Variants in PRAMEF25 observed in about 807,000 individuals in gnomAD.
PRAMEF25 encodes putative PRAME family member 25.
At chr1:13,071,069 T>G (rs1473313470) in intron 1 of PRAMEF25, 162 bp downstream of exon 1, 2 of 140,038 alleles carry the variant, frequency 1.4e-5, no homozygotes, top group East Asian at 4.3e-4. Flanking sequence ...AATACAGTTC[T>G]GTCTTTATTT....
At position 13,071,046 on chromosome 1, in the gene PRAMEF25, A is replaced by C. The variant is rs1288832789; in HGVS notation, c.-17+139A>C. On this transcript the variant is annotated intron_variant, in intron 1 of 3. Transcript: ENST00000619661. ...TCATATGAACAATTTGAAGCTTTGA[A>C]TGTTTTCCTCTAAATACAGTTCTGT... 2 of 137,468 alleles carry C rather than the reference A, an allele frequency of 1.5e-5. 1 individual carries two copies. Among genetic ancestry groups the C allele is most frequent in the African/African-American group, 4.9e-5 (2 of 40,622 alleles). The allele number at this position is 137,468 out of a possible 1,614,324, so 8.5% of individuals were successfully genotyped here. A position where few individuals can be genotyped will look rare whatever the true frequency, so the allele number is the denominator to read the frequency against.
intron 1 of PRAMEF25, chr1:13,071,471 G>T (rs1256910687): frequency 2.1e-5 from 2 of 94,422 alleles, no homozygotes; most frequent in Non-Finnish European, 4.4e-5. Flanking sequence ...GGCCAGTTTG[G>T]TCTCAAACGC....
At chr1:13,076,572 T>G (rs1163594084) in intron 3 of PRAMEF25, 32 of 178,538 alleles carry the variant, frequency 1.8e-4, no homozygotes, top group African/African-American at 1.6e-3. Flanking sequence ...GCATGATCTC[T>G]GCTCACTGCA....
intron 1 of PRAMEF25, 129 bp downstream of exon 1, chr1:13,071,036 G>A (rs1323544926): frequency 7.5e-6 from 1 of 134,138 alleles, no homozygotes; most frequent in Non-Finnish European, 1.7e-5. Context: ...TGAACAATTT[G>A]AAGCTTTGAA....
In PRAMEF25 at chr1:13,076,505, C is replaced by T. The variant is rs199712620; in HGVS notation, c.876-486C>T. 1.5e-5 allele frequency: 2 copies of T among 134,384 alleles called. 1 individual carries two copies. The highest frequency in any genetic ancestry group is 3.6e-4 in the South Asian group (2 of 5,544). 8.3% of individuals were successfully genotyped at this position (134,384 alleles called of 1,614,324 possible). ...TCAGCCTCAAATGGAATTATTTTTT[C>T]TCCTTTTTTTTTTTTAATGCGGAGT... On this transcript the variant is annotated intron_variant, in intron 3 of 3. Transcript: ENST00000619661.
At chr1:13,076,208 A>T (rs1299049078) in intron 3 of PRAMEF25, 1 of 6,154 alleles carries the variant, frequency 1.6e-4, no homozygotes, top group East Asian at 2.7e-3. Flanking sequence ...TACCTAGGAA[A>T]TGTATGATTC....
chr1:13,071,127 A>C (rs1186364489), intron 1 of PRAMEF25: 1 of 136,738 alleles, frequency 7.3e-6, no homozygotes, highest in Non-Finnish European at 1.6e-5. Flanking sequence ...AAATTCTTGA[A>C]GGGAGCAGTG....
chr1:13,076,477 G>T lies in PRAMEF25; in HGVS notation c.876-514G>T, dbSNP rs1429934836. On this transcript the variant is annotated intron_variant, in intron 3 of 3. Transcript: ENST00000619661. ...CCATTCCTATAAATGATGGTGAAAT[G>T]ACTCAGCCTCAAATGGAATTATTTT... is the stretch of plus-strand genomic sequence containing the variant. 1.8e-5 allele frequency: 2 copies of T among 110,438 alleles called. 1 individual carries two copies. Among genetic ancestry groups the T allele is most frequent in the Non-Finnish European group, 3.2e-5 (2 of 63,286 alleles). The allele number at this position is 110,438 out of a possible 1,614,324, so 6.8% of individuals were successfully genotyped here. A position where few individuals can be genotyped will look rare whatever the true frequency, so the allele number is the denominator to read the frequency against.
intron 1 of PRAMEF25, chr1:13,071,447 G>T (rs1296618026): frequency 1.1e-5 from 1 of 93,912 alleles, no homozygotes. Flanking sequence ...TAGGGGCGGG[G>T]GTTTCACCAT....
intron 1 of PRAMEF25, chr1:13,071,451 T>C (rs1570011670): frequency 2.1e-5 from 2 of 94,312 alleles, no homozygotes; most frequent in African/African-American, 3.7e-5. Flanking sequence ...GGCGGGGGTT[T>C]CACCATGCTG....
At chr1:13,076,578 C>G (rs144342603) in intron 3 of PRAMEF25, 1 of 185,156 alleles carries the variant, frequency 5.4e-6, no homozygotes, top group South Asian at 8.3e-5. Flanking sequence ...TCTCTGCTCA[C>G]TGCAACCTAC....
At chr1:13,071,224 G>A (rs1442550629) in intron 1 of PRAMEF25, 1 of 78,218 alleles carries the variant, frequency 1.3e-5, no homozygotes, top group Non-Finnish European at 2.9e-5. Flanking sequence ...TGGGCAACAT[G>A]ACAAAAACCC....
intron 1 of PRAMEF25, 124 bp downstream of exon 1, chr1:13,071,031 A>G (rs1158946618): frequency 7.5e-6 from 1 of 132,748 alleles, no homozygotes; most frequent in African/African-American, 2.5e-5. Context: ...TCATATGAAC[A>G]ATTTGAAGCT....
intron 3 of PRAMEF25, chr1:13,076,443 G>A (rs1369459564): frequency 1.3e-5 from 1 of 76,534 alleles, no homozygotes; most frequent in Non-Finnish European, 2.2e-5. Context: ...GGGATTCTGT[G>A]AACTTGATCC....
At chr1:13,071,673 C>T (rs1642352589) in intron 1 of PRAMEF25, 1 of 42,696 alleles carries the variant, frequency 2.3e-5, no homozygotes, top group Non-Finnish European at 3.9e-5. Flanking sequence ...TGCAGTGAGC[C>T]ATGCTCACAC....
intron 1 of PRAMEF25, 161 bp downstream of exon 1, chr1:13,071,068 C>A (rs1642343452): frequency 1.4e-5 from 2 of 138,918 alleles, no homozygotes; most frequent in South Asian, 4.8e-4. Context: ...AAATACAGTT[C>A]TGTCTTTATT....
chr1:13,071,225 A>G (rs1211578889), intron 1 of PRAMEF25: 4 of 77,760 alleles, frequency 5.1e-5, no homozygotes, highest in African/African-American at 1.5e-4. Context: ...GGGCAACATG[A>G]CAAAAACCCT....
At chr1:13,071,643 T>C (rs1642352467) in intron 1 of PRAMEF25, 1 of 50,988 alleles carries the variant, frequency 2.0e-5, no homozygotes, top group Non-Finnish European at 3.3e-5. Flanking sequence ...GAGAATCACT[T>C]TAGCCCAGAA....
intron 1 of PRAMEF25, 140 bp downstream of exon 1, chr1:13,071,047 T>G: frequency 7.2e-6 from 1 of 138,160 alleles, no homozygotes; most frequent in South Asian, 2.4e-4. Flanking sequence ...AAGCTTTGAA[T>G]GTTTTCCTCT....
Sources: allele counts gnomAD v4.1 joint callset, GRCh38; gene constraint gnomAD v4.1.1; transcripts MANE v1.5; gene names NCBI Gene and HGNC (gene_info 2026-07-23, HGNC 2026-07-21).